The following NEDD9 variants were observed in gnomAD, a reference collection of about 807,000 sequenced individuals.
NEDD9 encodes enhancer of filamentation 1.
A neutral mutation model predicts 76.6 loss-of-function variants in NEDD9; 26 were observed. That is an observed-to-expected ratio of 0.34 (90% CI 0.25 to 0.47). The LOEUF (loss-of-function observed/expected upper bound fraction) is 0.47. NEDD9 is among the 20% of genes least tolerant of loss of function. The probability of loss-of-function intolerance (pLI) is 1.00; values close to 1 mark genes in which losing one functional copy is unlikely to be tolerated. For synonymous variants in NEDD9, 392 were observed against 414.2 expected (o/e 0.95, Z 0.65); for missense variants, 937 against 1,058.5 (o/e 0.89, Z 1.59).
At chr6:11,259,548 G>A (rs1314505886) in intron 3 of NEDD9, among the ~76,000 whole-genome samples, 2 of 152,096 alleles carry the variant, frequency 1.3e-5, no homozygotes, top group African/African-American at 4.8e-5. Context: ...AGTGCTCTAG[G>A]CATGTGTTAT....
chr6:11,213,318 C>A lies in NEDD9; in HGVS notation c.422G>T (p.Ser141Ile), dbSNP rs1489895457. 3 of 1,611,900 alleles carry A rather than the reference C, an allele frequency of 1.9e-6. No homozygotes were observed. The highest frequency in any genetic ancestry group is 2.5e-6 in the Non-Finnish European group (3 of 1,178,226). The change falls in exon 2 of 7, where the codon AGC becomes ATC. Residue 141 changes from serine (S) to isoleucine (I), a missense_variant. Physicochemically the swap from Ser to Ile is moderately radical, Grantham distance 142. Transcript: ENST00000379446. The surrounding 1 kb of genome is among the most constrained non-coding windows in gnomAD (Gnocchi z 5.4). ...VYQVPPSVQR[S>I]IGGTSGPHVG... is the part of the protein sequence containing the mutation. ...GTGGGGCCCACTGGTTCCCCCAATG[C>A]TTCTCTGCACTGATGGTGGCACCTG... is the stretch of plus-strand genomic sequence containing the variant.
chr6:11,217,559 A>C (rs1166886733), intron 1 of NEDD9, among the ~76,000 whole-genome samples: 6 of 152,220 alleles, frequency 3.9e-5, no homozygotes, highest in African/African-American at 1.4e-4. Context: ...AAAACACCAA[A>C]ACAGTTAGGG....
intron 2 of NEDD9, among the ~76,000 whole-genome samples, chr6:11,315,808 G>A (rs1761536707): frequency 6.6e-6 from 1 of 152,194 alleles, no homozygotes; most frequent in African/African-American, 2.4e-5. Context: ...ATCTGTTAGG[G>A]CATCCAAATA....
At chr6:11,193,803 G>A in intron 2 of NEDD9, 111 bp from the exon 3 acceptor site, 5 of 594,568 alleles carry the variant, frequency 8.4e-6, no homozygotes, top group Admixed American at 3.3e-5. Context: ...AAGATAGAAA[G>A]AAACCAAAGA....
At chr6:11,361,977 G>A (rs959066500) in intron 1 of NEDD9, among the ~76,000 whole-genome samples, 1 of 152,088 alleles carries the variant, frequency 6.6e-6, no homozygotes, top group Non-Finnish European at 1.5e-5. Flanking sequence ...AGATTGCATA[G>A]AAGAAAAAAG....
intron 2 of NEDD9, among the ~76,000 whole-genome samples, chr6:11,319,733 AACATGCACAC>A (rs1561832934): frequency 7.9e-6 from 1 of 127,206 alleles, no homozygotes; most frequent in African/African-American, 3.6e-5. Context: ...CTCACACACT[AACATGCACAC>A]ACACACTAAC....
intron 2 of NEDD9, chr6:11,199,167 C>T (rs997864163): frequency 2.0e-5 from 3 of 152,156 alleles, no homozygotes; most frequent in South Asian, 2.1e-4. Flanking sequence ...AAGGAACATA[C>T]GATTGCTTTA....
At chr6:11,372,172 A>T (rs984565195) in intron 1 of NEDD9, among the ~76,000 whole-genome samples, 55 of 133,742 alleles carry the variant, frequency 4.1e-4, no homozygotes, top group African/African-American at 1.5e-3. Flanking sequence ...AGCCCCTGGT[A>T]ACCATCCCTC....
chr6:11,275,563 C>G (rs975478110), intron 3 of NEDD9, among the ~76,000 whole-genome samples: 2 of 144,664 alleles, frequency 1.4e-5, no homozygotes, highest in African/African-American at 5.3e-5. Flanking sequence ...CACACACACA[C>G]ACATATATAT....
intron 1 of NEDD9, among the ~76,000 whole-genome samples, chr6:11,349,742 G>A (rs1348922630): frequency 6.6e-6 from 1 of 152,150 alleles, no homozygotes; most frequent in Non-Finnish European, 1.5e-5. Context: ...ATAGATGTGG[G>A]GAAACAACAC....
Position 11,213,234 on chromosome 6 carries a change from GAA to G in NEDD9, c.459+45_459+46del. ...TTTCCAAATGCTCCAAGTGTAATGG[GAA>G]AAAAAAATAAGTAGGAACAAAAATT... On this transcript the variant is annotated intron_variant, in intron 2 of 6. Coordinates refer to ENST00000379446, the MANE Select transcript of NEDD9 (RefSeq NM_006403.4). The surrounding 1 kb of genome is among the most constrained non-coding windows in gnomAD (Gnocchi z 5.4). 1 of 1,484,566 alleles carries G rather than the reference GAA, an allele frequency of 6.7e-7. No individual in the cohort carries two copies. The highest frequency in any genetic ancestry group is 1.4e-5 in the African/African-American group (1 of 71,330). The allele number at this position is 1,484,566 out of a possible 1,614,324, so 92.0% of individuals were successfully genotyped here.
At chr6:11,350,941 C>G (rs937223281) in intron 1 of NEDD9, among the ~76,000 whole-genome samples, 1 of 152,112 alleles carries the variant, frequency 6.6e-6, no homozygotes, top group African/African-American at 2.4e-5. Flanking sequence ...GACATATAAT[C>G]GACAAACACA....
intron 1 of NEDD9, among the ~76,000 whole-genome samples, chr6:11,361,655 T>C (rs75155807): frequency 0.066 from 10,106 of 152,166 alleles, 372 homozygotes; most frequent in Non-Finnish European, 0.067. Flanking sequence ...CTAAACTATA[T>C]CATCCCTATT....
intron 3 of NEDD9, among the ~76,000 whole-genome samples, chr6:11,264,152 G>T (rs932021706): frequency 1.3e-5 from 2 of 152,202 alleles, no homozygotes; most frequent in Admixed American, 1.3e-4. Context: ...CTTGTAGATG[G>T]AGAAGGGGCT....
At chr6:11,187,720 G>C (rs957124315) in intron 6 of NEDD9, among the ~76,000 whole-genome samples, 1 of 152,224 alleles carries the variant, frequency 6.6e-6, no homozygotes. Flanking sequence ...CAAAGTTACA[G>C]GGGAGCCAAA....
At chr6:11,319,685 T>C (rs1173003108) in intron 2 of NEDD9, among the ~76,000 whole-genome samples, 2 of 95,524 alleles carry the variant, frequency 2.1e-5, no homozygotes, top group Non-Finnish European at 4.1e-5. Flanking sequence ...TACACAAACA[T>C]GGACACTCAC....
chr6:11,218,800 C>T (rs1581964362), intron 1 of NEDD9, among the ~76,000 whole-genome samples: 1 of 152,120 alleles, frequency 6.6e-6, no homozygotes, highest in South Asian at 2.1e-4. Context: ...AGCCTCACAG[C>T]CAGAGACTAT....
At chr6:11,369,429 C>T (rs1762821161) in intron 1 of NEDD9, among the ~76,000 whole-genome samples, 1 of 152,176 alleles carries the variant, frequency 6.6e-6, no homozygotes, top group Non-Finnish European at 1.5e-5. Flanking sequence ...CACATTCCTA[C>T]TGTTAAATTT....
chr6:11,351,813 C>T (rs990273562), intron 1 of NEDD9, among the ~76,000 whole-genome samples: 8 of 152,220 alleles, frequency 5.3e-5, no homozygotes, highest in East Asian at 3.8e-4. Context: ...ATATTCTATG[C>T]GTTTGTATGT....
Sources: gnomAD v4.1 joint callset for allele counts (sites outside exome capture counted in the v4.1 genomes callset) on GRCh38, gnomAD v4.1.1 for gene constraint, Gnocchi (gnomAD v3.1) non-coding constraint, MANE v1.5 for transcripts, NCBI Gene and HGNC (gene_info 2026-07-23, HGNC 2026-07-21) for gene names.